The following TBX3 variants were observed in gnomAD, a reference collection of about 807,000 sequenced individuals.
TBX3 encodes T-box transcription factor TBX3.
Under a neutral mutation model 47.8 loss-of-function variants are expected in TBX3, and 11 were observed. The ratio of observed to expected loss-of-function variants is 0.23; its 90% CI spans 0.14 to 0.38. The LOEUF (loss-of-function observed/expected upper bound fraction) is 0.38. Among genes scored for constraint, TBX3 ranks in the 10% least tolerant of loss-of-function variants. The pLI is 1.00. For missense variants in TBX3, 927 were observed against 1,022.8 expected, an observed-to-expected ratio of 0.91 and a Z score of 1.28; for synonymous variants, 500 against 449.3, an observed-to-expected ratio of 1.11 and a Z score of -1.43.
At chr12:114,679,945 T>C in intron 2 of TBX3, 1 of 1,614,174 alleles carries the variant, frequency 6.2e-7, no homozygotes, top group Non-Finnish European at 8.5e-7. Flanking sequence ...CCCTGCCACG[T>C]AGCGTGATCA....
intron 4 of TBX3, 60 bp downstream of exon 4, chr12:114,677,520 G>A: frequency 5.9e-6 from 9 of 1,535,140 alleles, no homozygotes; most frequent in Non-Finnish European, 8.1e-6. Flanking sequence ...ACACTTCAGA[G>A]TTGGATCCTA....
At chr12:114,674,975 G>A in intron 5 of TBX3, 140 bp from the exon 6 acceptor site, 1 of 1,110,738 alleles carries the variant, frequency 9.0e-7, no homozygotes, top group Non-Finnish European at 1.3e-6. Context: ...TAGCCTCTCT[G>A]CACCTCAGTG....
At chr12:114,672,590 A>G (rs1378755774) in intron 6 of TBX3, among the ~76,000 whole-genome samples, 4 of 152,112 alleles carry the variant, frequency 2.6e-5, no homozygotes, top group Admixed American at 1.3e-4. Context: ...CAGGGAAATC[A>G]TAAGTAATTC....
Position 114,683,545 on chromosome 12 carries a change from C to T in TBX3, c.-345G>A, listed in dbSNP as rs1592852396. On this transcript the variant is annotated 5_prime_UTR_variant, in exon 1 of 7. Transcript: ENST00000349155. This position sits in a 1 kb window ranked among gnomAD's most constrained non-coding sequence, Gnocchi z 7.7. Reference sequence around the variant, plus strand: ...GAGGAGCGAGCAGGGTCTCGACTCGCGCCCGAGCCCTGCCGCTGAGCTCGA... The same window carrying T: ...GAGGAGCGAGCAGGGTCTCGACTCGTGCCCGAGCCCTGCCGCTGAGCTCGA... The T allele has an allele frequency of 9.2e-6, 3 of 326,674 alleles. No individual in the cohort carries two copies. The East Asian group carries it at 1.5e-4, about 16-fold the overall frequency. The allele number at this position is 326,674 out of a possible 1,614,324, so 20.2% of individuals were successfully genotyped here.
At position 114,676,365 on chromosome 12, in the gene TBX3, G is replaced by A. The variant is rs367844041; in HGVS notation, c.987C>T (p.Phe329=). The A allele has an allele frequency of 1.1e-5, 18 of 1,614,190 alleles. No individual in the cohort carries two copies. The Admixed American group carries it at 1.3e-4, about 12-fold the overall frequency. The change falls in exon 5 of 7, where the codon TTC becomes TTT. Residue 329 remains phenylalanine, a synonymous_variant. Transcript: ENST00000349155. ...SSSEQAAFNC[F]AQASSPAAST... The stretch of plus-strand genomic sequence containing the variant: ...AGGCGGCTGGAGAAGAAGCCTGGGC[G>A]AAGCAGTTGAAAGCTGCTTGTTCAC...
chr12:114,683,358 A>G lies in TBX3; in HGVS notation c.-158T>C. On this transcript the variant is annotated 5_prime_UTR_variant, in exon 1 of 7. Transcript: ENST00000349155. This position sits in a 1 kb window ranked among gnomAD's most constrained non-coding sequence, Gnocchi z 7.7. Reference sequence around the variant, plus strand: ...AAAAGAAAAGGAGGCAGAAATCACAACTAATGCACTTCAAAGGGAGGAGGG... The same window carrying G: ...AAAAGAAAAGGAGGCAGAAATCACAGCTAATGCACTTCAAAGGGAGGAGGG... 7 of 958,692 alleles carry G rather than the reference A, an allele frequency of 7.3e-6. No individual in the cohort carries two copies. The highest frequency in any genetic ancestry group is 6.9e-5 in the South Asian group (4 of 58,054). 59.4% of individuals were successfully genotyped at this position (958,692 alleles called of 1,614,324 possible). A position where few individuals can be genotyped will look rare whatever the true frequency, so the allele number is the denominator to read the frequency against.
At chr12:114,680,006 T>A (rs1565861437) in intron 2 of TBX3, 2 of 1,610,454 alleles carry the variant, frequency 1.2e-6, no homozygotes, top group Middle Eastern at 3.3e-4. Context: ...CATTTTAATT[T>A]ACAAAATGAT....
In TBX3 at chr12:114,680,940, G is replaced by A; in HGVS notation, c.596C>T (p.Ser199Phe). The change falls in exon 2 of 7, where the codon TCC becomes TTC. Residue 199 changes from serine (S) to phenylalanine (F), a missense_variant. This residue lies in a region of TBX3 where 216 missense variants were observed against 281.2 expected (regional missense o/e 0.77). Transcript: ENST00000349155. ...CAGTTTGTGGAAAGTGACGACTTTGGACATCCACTGTTCCCCAGTAGCGGG... is the reference window on the plus strand; with the variant it reads ...CAGTTTGTGGAAAGTGACGACTTTGAACATCCACTGTTCCCCAGTAGCGGG... ...DSPATGEQWM[S>F]KVVTFHKLKL... 6.2e-7 allele frequency: 1 copy of A among 1,614,058 alleles called. No individual in the cohort carries two copies. The highest frequency in any genetic ancestry group is 8.5e-7 in the Non-Finnish European group (1 of 1,180,018).
At chr12:114,677,799 G>A (rs781566311) in intron 3 of TBX3, 143 bp from the exon 4 acceptor site, 1 of 754,684 alleles carries the variant, frequency 1.3e-6, no homozygotes. Flanking sequence ...GAGATAATAA[G>A]GAAACTGTGG....
At chr12:114,679,859 G>A in intron 2 of TBX3, 1 of 1,590,972 alleles carries the variant, frequency 6.3e-7, no homozygotes, top group Non-Finnish European at 8.6e-7. Flanking sequence ...TTGCCAAAGG[G>A]CCCCCCCCAC....
intron 6 of TBX3, 27 bp from the exon 7 acceptor site, chr12:114,672,329 G>GA (rs1868484642): frequency 6.6e-7 from 1 of 1,504,914 alleles, no homozygotes; most frequent in African/African-American, 1.4e-5. Context: ...GACACACAGC[G>GA]AGTCAGCCGG....
Position 114,670,312 on chromosome 12 carries a change from A to G in TBX3, c.*1529T>C, listed in dbSNP as rs1328937440. 1 of 224,050 alleles carries G rather than the reference A, an allele frequency of 4.5e-6. No homozygotes were observed. Among genetic ancestry groups the G allele is most frequent in the Non-Finnish European group, 8.9e-6 (1 of 112,432 alleles). 13.9% of individuals were successfully genotyped at this position (224,050 alleles called of 1,614,324 possible). On this transcript the variant is annotated 3_prime_UTR_variant, in exon 7 of 7. Transcript: ENST00000349155. ...TGATGTTTTAAAGAGAGGGGGAAAAATACAGAAAACCAAAGAACTCATCAA... is the reference window on the plus strand; with the variant it reads ...TGATGTTTTAAAGAGAGGGGGAAAAGTACAGAAAACCAAAGAACTCATCAA...
At position 114,674,131 on chromosome 12, in the gene TBX3, A is replaced by T. The variant is rs112912347; in HGVS notation, c.1710+34T>A. The T allele has an allele frequency of 2.6e-3, 4,057 of 1,567,928 alleles. 21 individuals are homozygous for T. The highest frequency in any genetic ancestry group is 2.3e-3 in the Non-Finnish European group (2,710 of 1,156,720). ...GACAGGGAAACTGGACGAAAGGTGG[A>T]AAGACTGGTGGAGGCAGGAAGAAGG... On this transcript the variant is annotated intron_variant, in intron 6 of 6. Coordinates refer to ENST00000349155, the MANE Select transcript of TBX3 (RefSeq NM_005996.4).
Position 114,683,342 on chromosome 12 carries a change from G to T in TBX3, c.-142C>A. 8.4e-7 allele frequency: 1 copy of T among 1,188,462 alleles called. No homozygotes were observed. The highest frequency in any genetic ancestry group is 1.5e-5 in the African/African-American group (1 of 65,204). 73.6% of individuals were successfully genotyped at this position (1,188,462 alleles called of 1,614,324 possible). A position where few individuals can be genotyped will look rare whatever the true frequency, so the allele number is the denominator to read the frequency against. On this transcript the variant is annotated 5_prime_UTR_variant, in exon 1 of 7. Transcript: ENST00000349155. The surrounding 1 kb of genome is among the most constrained non-coding windows in gnomAD (Gnocchi z 7.7). Reference sequence around the variant, plus strand: ...AACAAAAAAGAAAGAAAAAAGAAAAGGAGGCAGAAATCACAACTAATGCAC... The same window carrying T: ...AACAAAAAAGAAAGAAAAAAGAAAATGAGGCAGAAATCACAACTAATGCAC...
rs1868768553 is a variant in TBX3, at chr12:114,677,737, A to G, written c.805-81T>C. The G allele has an allele frequency of 3.8e-6, 5 of 1,322,974 alleles. 1 individual carries two copies. The South Asian group carries it at 5.9e-5, about 16-fold the overall frequency. 82.0% of individuals were successfully genotyped at this position (1,322,974 alleles called of 1,614,324 possible). A position where few individuals can be genotyped will look rare whatever the true frequency, so the allele number is the denominator to read the frequency against. ...TTGAGGGTGTTTTTCCCAACTCAAC[A>G]AGTCTAGAGATGTGACTGCCAACAG... On this transcript the variant is annotated intron_variant, in intron 3 of 6. Transcript: ENST00000349155.
rs1162258001 is a variant in TBX3 at position 114,670,914 on chromosome 12, CAAAT to C, written c.*923_*926del. ...TATTCCACCTATTTACAAGAGTTATCAAATAATTACATAAATACTTTGTCTAATA... is the reference window on the plus strand; with the variant it reads ...TATTCCACCTATTTACAAGAGTTATCAATTACATAAATACTTTGTCTAATA... On this transcript the variant is annotated 3_prime_UTR_variant, in exon 7 of 7. Coordinates refer to ENST00000349155, the MANE Select transcript of TBX3 (RefSeq NM_005996.4). The C allele has an allele frequency of 9.4e-6, 2 of 212,508 alleles. No homozygotes were observed. The highest frequency in any genetic ancestry group is 1.9e-4 in the South Asian group (1 of 5,358). The allele number at this position is 212,508 out of a possible 1,614,324, so 13.2% of individuals were successfully genotyped here.
At chr12:114,680,723 G>A in intron 2 of TBX3, 156 bp downstream of exon 2, 1 of 1,129,894 alleles carries the variant, frequency 8.9e-7, no homozygotes, top group Non-Finnish European at 1.3e-6. Flanking sequence ...TATTTGGAGA[G>A]AAACACCCCG....
Position 114,674,744 on chromosome 12 carries a change from G to C in TBX3, c.1131C>G (p.Thr377=). The stretch of plus-strand genomic sequence containing the variant: ...CACGGCAGGGCTCCTCCGACGTGGT[G>C]GTGGAGATCTTGGCCGCGTCGCAGG... ...PEACDAAKIS[T]TTSEEPCRDK... The change falls in exon 6 of 7, where the codon ACC becomes ACG. Residue 377 remains threonine, a synonymous_variant. Transcript: ENST00000349155. The C allele has an allele frequency of 1.9e-6, 3 of 1,595,828 alleles. No individual in the cohort carries two copies. Among genetic ancestry groups the C allele is most frequent in the Non-Finnish European group, 2.6e-6 (3 of 1,175,488 alleles).
In TBX3 at chr12:114,672,047, C is replaced by T. The variant is rs1013102657; in HGVS notation, c.1966G>A (p.Ala656Thr). The part of the protein sequence containing the change: ...AAGPLDGKVA[A>T]LAASPASVAV... The stretch of plus-strand genomic sequence containing the variant: ...ACCGAGGCCGGGCTGGCGGCCAGGG[C>T]GGCGACTTTGCCGTCCAGGGGCCCC... The change falls in exon 7 of 7, where the codon GCC (alanine) becomes ACC (threonine). Residue 656 changes from alanine to threonine, a missense_variant. Transcript: ENST00000349155. 2 of 1,578,168 alleles carry T rather than the reference C, an allele frequency of 1.3e-6. No homozygotes were observed. The highest frequency in any genetic ancestry group is 2.3e-5 in the East Asian group (1 of 42,704).
Sources: allele counts gnomAD v4.1 joint callset (sites outside exome capture counted in the v4.1 genomes callset), GRCh38; gene constraint gnomAD v4.1.1; regional missense constraint gnomAD v4.1.1; non-coding constraint Gnocchi (gnomAD v3.1); transcripts MANE v1.5; gene names NCBI Gene and HGNC (gene_info 2026-07-23, HGNC 2026-07-21).